ITGAV: variants seen among roughly 807,000 people sequenced by gnomAD.
The protein encoded by ITGAV is integrin alpha-V.
A neutral mutation model predicts 143.8 loss-of-function variants in ITGAV; 76 were observed. That is an observed-to-expected ratio of 0.53 (90% CI 0.44 to 0.64). The LOEUF is 0.64. Among genes scored for constraint, ITGAV ranks in the 30% least tolerant of loss-of-function variants. ITGAV has a pLI of 0.00. For missense variants in ITGAV, 1,193 were observed against 1,274.7 expected, an observed-to-expected ratio of 0.94 and a Z score of 0.98; for synonymous variants, 453 against 446.7, an observed-to-expected ratio of 1.01 and a Z score of -0.18.
intron 5 of ITGAV, among the ~76,000 whole-genome samples, chr2:186,631,412 T>A (rs184632912): frequency 6.6e-6 from 1 of 152,184 alleles, no homozygotes; most frequent in Non-Finnish European, 1.5e-5. Flanking sequence ...AGAATTGATA[T>A]TTTTAATCTA....
intron 8 of ITGAV, 77 bp from the exon 9 acceptor site, chr2:186,638,200 C>T: frequency 7.7e-7 from 1 of 1,291,430 alleles, no homozygotes; most frequent in Non-Finnish European, 1.1e-6. Flanking sequence ...TTAAAGCTTG[C>T]TGACATAGTC....
chr2:186,658,592 A>C (rs1272272716), intron 17 of ITGAV, among the ~76,000 whole-genome samples: 1 of 152,198 alleles, frequency 6.6e-6, no homozygotes, highest in Non-Finnish European at 1.5e-5. Context: ...TCAACAGTAC[A>C]AAATTAACGT....
At chr2:186,638,346 A>T (rs200278337) in intron 9 of ITGAV, 26 bp downstream of exon 9, 160 of 1,611,572 alleles carry the variant, frequency 9.9e-5, no homozygotes, top group East Asian at 7.6e-4. Flanking sequence ...GGTATTTTTT[A>T]AAAAATCTCT....
chr2:186,666,587 T>C (rs1688903773), intron 21 of ITGAV, 117 bp from the exon 22 acceptor site: 2 of 501,538 alleles, frequency 4.0e-6, no homozygotes, highest in Non-Finnish European at 3.5e-6. Context: ...TTGTTCAGTT[T>C]TATTGTAAGC....
chr2:186,603,163 C>T (rs1478922248), intron 2 of ITGAV, among the ~76,000 whole-genome samples: 1 of 152,044 alleles, frequency 6.6e-6, no homozygotes, highest in Non-Finnish European at 1.5e-5. Flanking sequence ...TTAGATAGTC[C>T]TTAAGGAAAT....
rs2105742950 is a variant in ITGAV at position 186,665,151 on chromosome 2, T to G, written c.2099T>G (p.Phe700Cys). The change falls in exon 21 of 30, where the codon TTT becomes TGT. Residue 700 changes from phenylalanine (F) to cysteine (C), a missense_variant. By Grantham distance (205) the Phe-to-Cys change is radical. Transcript: ENST00000261023. ...GCCTTAGCAAGACTTTCCTGTGCAT[T>G]TAAGACAGAAAACCAAACTCGCCAG... ...NEALARLSCA[F>C]KTENQTRQVV... 1 of 1,611,700 alleles carries G rather than the reference T, an allele frequency of 6.2e-7. No homozygotes were observed. Among genetic ancestry groups the G allele is most frequent in the Non-Finnish European group, 8.5e-7 (1 of 1,179,062 alleles).
At position 186,679,935 on chromosome 2, in the gene ITGAV, G is replaced by A. The variant is rs1574510613; in HGVS notation, c.*2643G>A. The stretch of plus-strand genomic sequence containing the variant: ...TTACATTTCCATAAAGAAAACTCAA[G>A]TATTAATAAAAGAGACTTTACTGGC... On this transcript the variant is annotated 3_prime_UTR_variant, in exon 30 of 30. Transcript: ENST00000261023. 1.3e-5 allele frequency: 2 copies of A among 152,004 alleles called. No individual in the cohort carries two copies. The highest frequency in any genetic ancestry group is 2.1e-4 in the South Asian group (1 of 4,828). 9.4% of individuals were successfully genotyped at this position (152,004 alleles called of 1,614,324 possible).
Position 186,676,809 on chromosome 2 carries a change from A to C in ITGAV, c.2929-4A>C. ...TTAAAACTAAAAGCTTTTTTCCTCG[A>C]TAGGTTACCACTAATGTCACCTGGG... On this transcript the variant is annotated splice_polypyrimidine_tract_variant and splice_region_variant and intron_variant, in intron 28 of 29. Transcript: ENST00000261023. The C allele has an allele frequency of 6.2e-7, 1 of 1,610,388 alleles. No individual in the cohort carries two copies. Among genetic ancestry groups the C allele is most frequent in the Non-Finnish European group, 8.5e-7 (1 of 1,179,054 alleles).
At position 186,652,014 on chromosome 2, in the gene ITGAV, T is replaced by A. The variant is rs770335482; in HGVS notation, c.1430T>A (p.Leu477His). ...CCAGTTATCACTGTAAATGCTGGTC[T>A]TGAAGTGTACCCTAGCATTTTAAAT... Reference protein sequence around the residue: ...ARPVITVNAGLEVYPSILNQD... With the variant: ...ARPVITVNAGHEVYPSILNQD... Residue 477 changes from leucine to histidine, a missense_variant, in exon 15 of 30, where the codon CTT (leucine) becomes CAT (histidine). Coordinates refer to ENST00000261023, the MANE Select transcript of ITGAV (RefSeq NM_002210.5). The A allele has an allele frequency of 6.2e-7, 1 of 1,613,442 alleles. No individual in the cohort carries two copies. The highest frequency in any genetic ancestry group is 1.1e-5 in the South Asian group (1 of 91,024).
chr2:186,611,154 C>G (rs889833732), intron 2 of ITGAV, among the ~76,000 whole-genome samples: 2 of 152,030 alleles, frequency 1.3e-5, no homozygotes, highest in Non-Finnish European at 1.5e-5. Flanking sequence ...CTGCATTACT[C>G]GAACATTGAC....
chr2:186,637,338 C>T (rs1016167928), intron 8 of ITGAV, among the ~76,000 whole-genome samples: 3 of 151,574 alleles, frequency 2.0e-5, no homozygotes, highest in South Asian at 2.1e-4. Context: ...AAAAATTAGC[C>T]GGGCGCGGTG....
At chr2:186,655,968 G>A (rs1225787000) in intron 16 of ITGAV, among the ~76,000 whole-genome samples, 1 of 151,984 alleles carries the variant, frequency 6.6e-6, no homozygotes, top group African/African-American at 2.4e-5. Flanking sequence ...TTAAAAGATA[G>A]CATTTCTCCT....
chr2:186,636,332 ATATACAAT>A, intron 7 of ITGAV, 125 bp downstream of exon 7: 1 of 738,042 alleles, frequency 1.4e-6, no homozygotes, highest in Non-Finnish European at 2.2e-6. Flanking sequence ...AACATACAGA[ATATACAAT>A]TTCAAATTGT....
At chr2:186,596,244 A>G (rs1438807860) in intron 1 of ITGAV, among the ~76,000 whole-genome samples, 2 of 152,312 alleles carry the variant, frequency 1.3e-5, no homozygotes, top group East Asian at 1.9e-4. Flanking sequence ...TACTGCTTCA[A>G]TTGATTTGCA....
At chr2:186,604,693 A>G (rs1687008819) in intron 2 of ITGAV, among the ~76,000 whole-genome samples, 1 of 151,964 alleles carries the variant, frequency 6.6e-6, no homozygotes, top group South Asian at 2.1e-4. Flanking sequence ...TGTTATGTTA[A>G]TTTGCATTTC....
chr2:186,646,116 G>C (rs1436595455), intron 12 of ITGAV, among the ~76,000 whole-genome samples: 1 of 152,166 alleles, frequency 6.6e-6, no homozygotes, highest in Non-Finnish European at 1.5e-5. Context: ...TTTGGTGTTT[G>C]GGGTTTTTTA....
intron 2 of ITGAV, among the ~76,000 whole-genome samples, chr2:186,619,358 A>T (rs1687458920): frequency 6.6e-6 from 1 of 152,192 alleles, no homozygotes. Flanking sequence ...GAAAAAGTTG[A>T]TGTCATAGAA....
In ITGAV at chr2:186,669,911, C is replaced by G. The variant is rs1689017244; in HGVS notation, c.2706+97C>G. The G allele has an allele frequency of 3.1e-5, 24 of 770,994 alleles. 1 individual carries two copies. In the South Asian group the frequency reaches 3.6e-4, roughly 12 times the overall value. The allele number at this position is 770,994 out of a possible 1,614,324, so 47.8% of individuals were successfully genotyped here. A position where few individuals can be genotyped will look rare whatever the true frequency, so the allele number is the denominator to read the frequency against. On this transcript the variant is annotated intron_variant, in intron 26 of 29. Transcript: ENST00000261023. ...CATTTCAAAAATAACAACAGCTGTGCTTGAACAACTACATTTATTTTTATA... is the reference window on the plus strand; with the variant it reads ...CATTTCAAAAATAACAACAGCTGTGGTTGAACAACTACATTTATTTTTATA...
chr2:186,659,173 C>T lies in ITGAV; in HGVS notation c.1855C>T (p.Gln619Ter). The change falls in exon 18 of 30, where the codon CAG becomes TAG. Residue 619 changes from glutamine to a stop codon, truncating the protein, a stop_gained and splice_region_variant. Transcript: ENST00000261023. LOFTEE classifies it high-confidence loss of function. ...NQFTPANISR[Q>*]AHILLDCGED... ...GTTCACGCCTGCTAACATTAGTCGA[C>T]AGGTACTGTACTCAGTTTACCACTA... is the stretch of plus-strand genomic sequence containing the variant. 6.2e-7 allele frequency: 1 copy of T among 1,602,838 alleles called. No individual in the cohort carries two copies. The highest frequency in any genetic ancestry group is 8.5e-7 in the Non-Finnish European group (1 of 1,174,680).
Sources: gnomAD v4.1 joint callset for allele counts (sites outside exome capture counted in the v4.1 genomes callset) on GRCh38, gnomAD v4.1.1 for gene constraint, MANE v1.5 for transcripts, NCBI Gene and HGNC (gene_info 2026-07-23, HGNC 2026-07-21) for gene names.